Variants in RELN observed in about 807,000 individuals in gnomAD.
The protein encoded by RELN is reelin.
Under a neutral mutation model 427.6 loss-of-function variants are expected in RELN, and 108 were observed. The observed-to-expected ratio is 0.25, with a 90% CI of 0.22 to 0.30. RELN has a LOEUF of 0.30. RELN is among the 10% of genes least tolerant of loss of function. RELN has a pLI of 1.00. For missense variants in RELN, 3,715 were observed against 4,302.8 expected, an observed-to-expected ratio of 0.86 and a Z score of 3.82; for synonymous variants, 1,524 against 1,513.4, an observed-to-expected ratio of 1.01 and a Z score of -0.16.
intron 64 of RELN, among the ~76,000 whole-genome samples, chr7:103,474,981 T>C (rs1315836005): frequency 1.3e-5 from 2 of 152,182 alleles, no homozygotes; most frequent in South Asian, 2.1e-4. Flanking sequence ...CCCAAAACCA[T>C]GCAGAATCCT....
At chr7:103,744,944 C>A (rs1790776927) in intron 6 of RELN, among the ~76,000 whole-genome samples, 1 of 152,176 alleles carries the variant, frequency 6.6e-6, no homozygotes, top group African/African-American at 2.4e-5. Context: ...ATTCCAAAGC[C>A]TGGCAGAGAC....
At chr7:103,897,201 T>A (rs1279623382) in intron 2 of RELN, among the ~76,000 whole-genome samples, 1 of 152,110 alleles carries the variant, frequency 6.6e-6, no homozygotes, top group African/African-American at 2.4e-5. Flanking sequence ...GGTGGAGACA[T>A]AGAGCCAAAC....
chr7:103,503,067 G>T lies in RELN; in HGVS notation c.8438C>A (p.Thr2813Asn). ...GTAGGTGATCCTTTTCCACCCTTTA[G>T]TTGGAAAGAATACAGATGGCTGAGA... ...SVSQPSVFFP[T>N]KGWKRITYPL... Residue 2813 changes from threonine (T) to asparagine (N), a missense_variant, in exon 52 of 65, where the codon ACT (threonine) becomes AAT (asparagine). Thr to Asn is a moderately conservative substitution (Grantham distance 65). Coordinates refer to ENST00000428762, the MANE Select transcript of RELN (RefSeq NM_005045.4). 6.2e-7 allele frequency: 1 copy of T among 1,614,132 alleles called. No homozygotes were observed. The highest frequency in any genetic ancestry group is 1.7e-5 in the Admixed American group (1 of 60,022).
intron 5 of RELN, among the ~76,000 whole-genome samples, chr7:103,750,447 T>C (rs905732208): frequency 3.3e-5 from 5 of 152,208 alleles, no homozygotes; most frequent in Non-Finnish European, 4.4e-5. Context: ...CTTTTAAAAA[T>C]AACCCAGTCT....
In RELN at chr7:103,515,300, G is replaced by A. The variant is rs368087558; in HGVS notation, c.8004C>T (p.Thr2668=). Reference sequence around the variant, plus strand: ...CGCTGCTGAAGGTGTCCAGCATAACGGTCCTTTGGTCAGCAGAGCCTGAGA... The same window carrying A: ...CGCTGCTGAAGGTGTCCAGCATAACAGTCCTTTGGTCAGCAGAGCCTGAGA... The part of the protein sequence containing the change: ...VLISGSADQR[T]VMLDTFSSAP... The change falls in exon 50 of 65, where the codon ACC becomes ACT. Residue 2668 remains threonine, a synonymous_variant. Transcript: ENST00000428762. The A allele has an allele frequency of 1.9e-5, 31 of 1,614,026 alleles. No individual in the cohort carries two copies. Among genetic ancestry groups the A allele is most frequent in the Non-Finnish European group, 2.4e-5 (28 of 1,180,022 alleles).
chr7:103,556,567 G>C (rs1189234644), intron 38 of RELN, among the ~76,000 whole-genome samples: 2 of 152,138 alleles, frequency 1.3e-5, no homozygotes, highest in Non-Finnish European at 2.9e-5. Flanking sequence ...ACCCAGGTGG[G>C]AGATAATTTG....
chr7:103,917,611 G>C (rs923437719), intron 1 of RELN, among the ~76,000 whole-genome samples: 1 of 150,328 alleles, frequency 6.7e-6, no homozygotes, highest in Non-Finnish European at 1.5e-5. Context: ...GCTGAAAGAA[G>C]AACAGTAAGA....
chr7:103,747,715 A>T (rs1471770146), intron 6 of RELN, among the ~76,000 whole-genome samples: 1 of 151,486 alleles, frequency 6.6e-6, no homozygotes, highest in Non-Finnish European at 1.5e-5. Flanking sequence ...GGGATAAAGT[A>T]AAATTACTCC....
Position 103,960,647 on chromosome 7 carries a change from G to A in RELN, c.226+28484C>T, listed in dbSNP as rs552083502. 2.7e-4 allele frequency among the ~76,000 whole-genome samples: 41 copies of A among 152,250 alleles called. No homozygotes were observed. The South Asian group carries it at 7.5e-3, about 28-fold the overall frequency. ...GAATGGTTCCCAAAGCAGGATTAGAGCAAATGCTAAGAAAAAAAATTGTTT... is the reference window on the plus strand; with the variant it reads ...GAATGGTTCCCAAAGCAGGATTAGAACAAATGCTAAGAAAAAAAATTGTTT... On this transcript the variant is annotated intron_variant, in intron 1 of 64. Coordinates refer to ENST00000428762, the MANE Select transcript of RELN (RefSeq NM_005045.4).
chr7:103,531,182 A>T (rs140549717), intron 46 of RELN, among the ~76,000 whole-genome samples: 1 of 152,352 alleles, frequency 6.6e-6, no homozygotes, highest in East Asian at 1.9e-4. Context: ...TGAGATTTTC[A>T]TATGGTGAAA....
At chr7:103,551,651 T>C (rs1011126046) in intron 40 of RELN, among the ~76,000 whole-genome samples, 6 of 152,068 alleles carry the variant, frequency 3.9e-5, no homozygotes, top group African/African-American at 1.5e-4. Flanking sequence ...TCCTAACTGT[T>C]AGCTTCCCCC....
chr7:103,922,479 G>A (rs1484288032), intron 1 of RELN, among the ~76,000 whole-genome samples: 1 of 152,120 alleles, frequency 6.6e-6, no homozygotes, highest in Non-Finnish European at 1.5e-5. Context: ...AAAAGGCTGA[G>A]CAGGTTACAA....
rs114686696 is a variant in RELN at position 103,542,849 on chromosome 7, T to A, written c.6553A>T (p.Met2185Leu). The change falls in exon 43 of 65, where the codon ATG (methionine) becomes TTG (leucine). Residue 2185 changes from methionine to leucine, a missense_variant. Physicochemically the swap from Met to Leu is conservative, Grantham distance 15 (BLOSUM62 2). This residue lies in a region of RELN where 1,310 missense variants were observed against 1,643.0 expected (regional missense o/e 0.80). Coordinates refer to ENST00000428762, the MANE Select transcript of RELN (RefSeq NM_005045.4). ...GQLESDRFLL[M>L]SGGKPSRKCG... ...TTTCGAGATGGTTTCCCACCACTCA[T>A]TAATAAGAATCTATCAGATTCTAGC... 509 of 1,614,192 alleles carry A rather than the reference T, an allele frequency of 3.2e-4. 5 individuals are homozygous for A. The East Asian group carries it at 8.9e-3, about 28-fold the overall frequency.
At chr7:103,925,285 T>C (rs12154738) in intron 1 of RELN, among the ~76,000 whole-genome samples, 79,334 of 152,008 alleles carry the variant, frequency 0.52, 21,267 homozygotes, top group East Asian at 0.74. Flanking sequence ...TAGCCCCAAC[T>C]GCACTTAAAG....
chr7:103,522,310 A>T (rs757196480), intron 47 of RELN, 111 bp from the exon 48 acceptor site: 6 of 1,091,334 alleles, frequency 5.5e-6, no homozygotes, highest in Non-Finnish European at 8.2e-6. Flanking sequence ...ATGAAAAGTT[A>T]CTGATTTTCA....
chr7:103,839,455 T>C (rs751699623), intron 2 of RELN, among the ~76,000 whole-genome samples: 4 of 152,118 alleles, frequency 2.6e-5, no homozygotes, highest in Non-Finnish European at 5.9e-5. Flanking sequence ...AAGAAAATTA[T>C]TTACAGAATT....
At chr7:103,901,942 A>G (rs879301337) in intron 2 of RELN, among the ~76,000 whole-genome samples, 1 of 152,122 alleles carries the variant, frequency 6.6e-6, no homozygotes, top group African/African-American at 2.4e-5. Flanking sequence ...TTGTTTAACC[A>G]GAATATTCCA....
chr7:103,700,754 G>A (rs1247692883), intron 9 of RELN, among the ~76,000 whole-genome samples, 156 bp downstream of exon 9: 1 of 152,134 alleles, frequency 6.6e-6, no homozygotes, highest in African/African-American at 2.4e-5. Context: ...TCCGAGCAGG[G>A]CTGGTCATAA....
In RELN at chr7:103,792,096, A is replaced by G. The variant is rs142438650; in HGVS notation, c.474-15469T>C. Among the ~76,000 whole-genome samples the G allele has an allele frequency of 1.2e-3, 180 of 152,298 alleles. 3 individuals are homozygous for G. The highest frequency in any genetic ancestry group is 4.1e-3 in the African/African-American group (172 of 41,564). The stretch of plus-strand genomic sequence containing the variant: ...TTGACAAGGATGTGGAGAAACTGTA[A>G]TCCTCAAATATTGCTGGTGGGAATA... On this transcript the variant is annotated intron_variant, in intron 3 of 64. Coordinates refer to ENST00000428762, the MANE Select transcript of RELN (RefSeq NM_005045.4).
Sources: gnomAD v4.1 joint callset for allele counts (sites outside exome capture counted in the v4.1 genomes callset) on GRCh38, gnomAD v4.1.1 for gene constraint, gnomAD v4.1.1 regional missense constraint, MANE v1.5 for transcripts, NCBI Gene and HGNC (gene_info 2026-07-23, HGNC 2026-07-21) for gene names.